Variants in PAFAH1B1 observed in about 807,000 individuals in gnomAD.
The protein encoded by PAFAH1B1 is platelet-activating factor acetylhydrolase IB subunit beta.
In PAFAH1B1, 2 loss-of-function variants were observed where a neutral mutation model predicts 57.5. That is an observed-to-expected ratio of 0.03 (90% confidence interval 0.01 to 0.11). PAFAH1B1 has a LOEUF of 0.11. PAFAH1B1 is among the 10% of genes least tolerant of loss of function. The pLI is 1.00. For missense variants in PAFAH1B1, 257 were observed against 512.0 expected, an observed-to-expected ratio of 0.50 and a Z score of 4.81; for synonymous variants, 152 against 169.6, an observed-to-expected ratio of 0.90 and a Z score of 0.81.
In PAFAH1B1 at chr17:2,673,936, T is replaced by A. The variant is rs143118707; in HGVS notation, c.672-124T>A. ...TTAATTAACCAGGATTGTACATTTA[T>A]TCTGTCGACTTGCATCTCTAACTTG... On this transcript the variant is annotated intron_variant, in intron 7 of 10. Transcript: ENST00000397195. 2.2e-4 allele frequency: 152 copies of A among 704,214 alleles called. No homozygotes were observed. In the East Asian group the frequency reaches 3.5e-3, roughly 16 times the overall value. The allele number at this position is 704,214 out of a possible 1,614,324, so 43.6% of individuals were successfully genotyped here.
chr17:2,626,481 C>T (rs894438715), intron 1 of PAFAH1B1, among the ~76,000 whole-genome samples: 6 of 141,912 alleles, frequency 4.2e-5, no homozygotes, highest in Admixed American at 3.1e-4. Context: ...ATGTTAGCTA[C>T]TATGTAGAAA....
intron 4 of PAFAH1B1, 39 bp downstream of exon 4, chr17:2,666,129 G>C: frequency 3.7e-6 from 5 of 1,367,764 alleles, no homozygotes; most frequent in Non-Finnish European, 5.0e-6. Context: ...GTTGTATTCA[G>C]TTATATAAAC....
At chr17:2,626,648 T>G (rs1410385795) in intron 1 of PAFAH1B1, among the ~76,000 whole-genome samples, 2 of 137,776 alleles carry the variant, frequency 1.5e-5, no homozygotes, top group Non-Finnish European at 3.0e-5. Context: ...TCTGACTCCC[T>G]GGTTCAAGCA....
intron 1 of PAFAH1B1, among the ~76,000 whole-genome samples, chr17:2,621,125 A>G (rs2068416195): frequency 6.6e-6 from 1 of 152,146 alleles, no homozygotes; most frequent in South Asian, 2.1e-4. Flanking sequence ...TTATTTTGAA[A>G]CTACCTTTTT....
At chr17:2,674,372 C>CT in intron 8 of PAFAH1B1, 84 bp downstream of exon 8, 1 of 962,088 alleles carries the variant, frequency 1.0e-6, no homozygotes. Flanking sequence ...TGTTTCAGGG[C>CT]TGTTAATGCA....
At chr17:2,664,702 C>A (rs1192172771) in intron 2 of PAFAH1B1, among the ~76,000 whole-genome samples, 1 of 144,394 alleles carries the variant, frequency 6.9e-6, no homozygotes, top group Non-Finnish European at 1.5e-5. Context: ...CTTTCTCTCT[C>A]CATCTATAAA....
chr17:2,633,281 C>A lies in PAFAH1B1; in HGVS notation c.-190-4818C>A, dbSNP rs539240520. ...CTCCTGGGTTCCAGCACTTCTCCTC[C>A]CTCAGCCTCCCGAGTAGCTGGGATT... On this transcript the variant is annotated intron_variant, in intron 1 of 10. Transcript: ENST00000397195. Among the ~76,000 whole-genome samples the A allele has an allele frequency of 3.3e-5, 5 of 151,866 alleles. No homozygotes were observed. The South Asian group carries it at 1.0e-3, about 32-fold the overall frequency.
At chr17:2,596,230 T>C (rs2068083201) in intron 1 of PAFAH1B1, among the ~76,000 whole-genome samples, 1 of 152,202 alleles carries the variant, frequency 6.6e-6, no homozygotes, top group Non-Finnish European at 1.5e-5. Flanking sequence ...ATCTACACTC[T>C]TGTTAATGTT....
rs2069426674 is a variant in PAFAH1B1, at chr17:2,683,958, TAG to T, written c.*2158_*2159del. Reference sequence around the variant, plus strand: ...AGCCACAACATCTAGAAATCACTCATAGATATTGAACAATAAAGGAGAATGGT... The same window carrying T: ...AGCCACAACATCTAGAAATCACTCATATATTGAACAATAAAGGAGAATGGT... On this transcript the variant is annotated 3_prime_UTR_variant, in exon 11 of 11. Coordinates refer to ENST00000397195, the MANE Select transcript of PAFAH1B1 (RefSeq NM_000430.4). 12 of 152,688 alleles carry T rather than the reference TAG, an allele frequency of 7.9e-5. 1 individual carries two copies. In the South Asian group the frequency reaches 2.5e-3, roughly 32 times the overall value. 9.5% of individuals were successfully genotyped at this position (152,688 alleles called of 1,614,324 possible). A position where few individuals can be genotyped will look rare whatever the true frequency, so the allele number is the denominator to read the frequency against.
chr17:2,670,119 G>C lies in PAFAH1B1; in HGVS notation c.400-44G>C, dbSNP rs185820538. The C allele has an allele frequency of 4.2e-5, 66 of 1,559,142 alleles. No homozygotes were observed. The African/African-American group carries it at 5.8e-4, about 14-fold the overall frequency. On this transcript the variant is annotated intron_variant, in intron 5 of 10. Coordinates refer to ENST00000397195, the MANE Select transcript of PAFAH1B1 (RefSeq NM_000430.4). ...TGAGTGCAAATGTGAAACAAGAAAG[G>C]AGTGATGGAGTTGGTGTTAACCAAT... is the stretch of plus-strand genomic sequence containing the variant.
chr17:2,672,732 A>T lies in PAFAH1B1; in HGVS notation c.646A>T (p.Ile216Leu). 6.2e-7 allele frequency: 1 copy of T among 1,611,854 alleles called. No homozygotes were observed. Among genetic ancestry groups the T allele is most frequent in the Non-Finnish European group, 8.5e-7 (1 of 1,178,310 alleles). Residue 216 changes from isoleucine (I) to leucine (L), a missense_variant, in exon 7 of 11, where the codon ATA becomes TTA. By Grantham distance (5) the Ile-to-Leu change is conservative (BLOSUM62 2). Transcript: ENST00000397195. ...HIVSASRDKT[I>L]KMWEVQTGYC... is the part of the protein sequence containing the mutation. Reference sequence around the variant, plus strand: ...AGTGTCTGCCTCAAGGGATAAAACTATAAAAATGTGGGAAGTGCAAACTGG... The same window carrying T: ...AGTGTCTGCCTCAAGGGATAAAACTTTAAAAATGTGGGAAGTGCAAACTGG...
rs770192064 is a variant in PAFAH1B1, at chr17:2,672,730, C to G, written c.644C>G (p.Thr215Ser). The G allele has an allele frequency of 1.9e-5, 30 of 1,611,948 alleles. No homozygotes were observed. The highest frequency in any genetic ancestry group is 2.4e-5 in the Non-Finnish European group (28 of 1,178,436). Residue 215 changes from threonine to serine, a missense_variant, in exon 7 of 11, where the codon ACT (threonine) becomes AGT (serine). Coordinates refer to ENST00000397195, the MANE Select transcript of PAFAH1B1 (RefSeq NM_000430.4). ...DHIVSASRDK[T>S]IKMWEVQTGY... is the part of the protein sequence containing the mutation. ...ATAGTGTCTGCCTCAAGGGATAAAA[C>G]TATAAAAATGTGGGAAGTGCAAACT...
chr17:2,658,948 T>C (rs2068976183), intron 2 of PAFAH1B1, among the ~76,000 whole-genome samples: 1 of 152,104 alleles, frequency 6.6e-6, no homozygotes, highest in Non-Finnish European at 1.5e-5. Flanking sequence ...TAGGGTATTG[T>C]AGCATAAAAG....
intron 2 of PAFAH1B1, among the ~76,000 whole-genome samples, chr17:2,654,573 C>T (rs895761731): frequency 6.6e-6 from 1 of 151,988 alleles, no homozygotes; most frequent in Non-Finnish European, 1.5e-5. Context: ...TAATTATTGC[C>T]TTAAGGTAAA....
At chr17:2,665,750 C>T (rs1021060210) in intron 3 of PAFAH1B1, among the ~76,000 whole-genome samples, 2 of 152,148 alleles carry the variant, frequency 1.3e-5, no homozygotes, top group Admixed American at 6.6e-5. Context: ...TACAGGCACG[C>T]ACCACCACAC....
intron 1 of PAFAH1B1, among the ~76,000 whole-genome samples, chr17:2,629,741 T>C (rs1257293802): frequency 2.6e-5 from 4 of 152,192 alleles, no homozygotes; most frequent in African/African-American, 9.6e-5. Flanking sequence ...CTATTAGTAA[T>C]TGTTTTATAA....
intron 1 of PAFAH1B1, among the ~76,000 whole-genome samples, chr17:2,631,601 A>G (rs549702278): frequency 6.6e-6 from 1 of 152,258 alleles, no homozygotes; most frequent in South Asian, 2.1e-4. Flanking sequence ...TTCGACTGCA[A>G]ACGGACCTTC....
chr17:2,598,382 A>G (rs2068107204), intron 1 of PAFAH1B1, among the ~76,000 whole-genome samples: 1 of 152,162 alleles, frequency 6.6e-6, no homozygotes, highest in Non-Finnish European at 1.5e-5. Flanking sequence ...CTTTTGCCAA[A>G]GGGACTTGAG....
chr17:2,628,278 A>G (rs2068516381), intron 1 of PAFAH1B1, among the ~76,000 whole-genome samples: 2 of 152,142 alleles, frequency 1.3e-5, no homozygotes, highest in Non-Finnish European at 2.9e-5. Flanking sequence ...AGTTTTAATT[A>G]TAAAGGGATT....
Sources: allele counts gnomAD v4.1 joint callset (sites outside exome capture counted in the v4.1 genomes callset), GRCh38; gene constraint gnomAD v4.1.1; transcripts MANE v1.5; gene names NCBI Gene and HGNC (gene_info 2026-07-23, HGNC 2026-07-21).